Variants in CEP44 observed in about 807,000 individuals in gnomAD.
CEP44 encodes the protein centrosomal protein 44, also known as centrosomal protein of 44 kDa.
In CEP44, 45 loss-of-function variants were observed where a neutral mutation model predicts 46.7. The observed-to-expected ratio is 0.96, with a 90% CI of 0.76 to 1.24. The LOEUF (loss-of-function observed/expected upper bound fraction) is 1.24, where lower values mean the gene tolerates loss of function less well. Among genes scored for constraint, CEP44 ranks in the 50% most tolerant of loss-of-function variants. The pLI, the probability that CEP44 is intolerant of heterozygous loss-of-function variation, is 0.00. For missense variants in CEP44, 475 were observed against 459.7 expected (o/e 1.03, Z -0.30); for synonymous variants, 142 against 146.0 (o/e 0.97, Z 0.20).
rs1004891416 is a variant in CEP44, at chr4:174,314,378, T to C, written c.962-1788T>C. On this transcript the variant is annotated intron_variant, in intron 9 of 11. Transcript: ENST00000503780. The surrounding 1 kb of genome is among the most constrained non-coding windows in gnomAD (Gnocchi z 4.1). ...TTCAGGATAGCAATAAGAAAAAATA[T>C]AGAAATTAATGTGCAGTTAACTGAT... Among the ~76,000 whole-genome samples the C allele has an allele frequency of 2.6e-5, 4 of 152,172 alleles. No individual in the cohort carries two copies. The highest frequency in any genetic ancestry group is 9.7e-5 in the African/African-American group (4 of 41,430).
In CEP44 at chr4:174,288,529, G is replaced by A. The variant is rs1737809868; in HGVS notation, c.-148+4586G>A. On this transcript the variant is annotated intron_variant, in intron 1 of 11. Coordinates refer to ENST00000503780, the MANE Select transcript of CEP44 (RefSeq NM_001040157.3). The surrounding 1 kb of genome is among the most constrained non-coding windows in gnomAD (Gnocchi z 4.6). ...CATACATTGAGATAATACAGTATTT[G>A]TCTTTTTGTGTTTAGCTTATTTCAC... 6.6e-6 allele frequency among the ~76,000 whole-genome samples: 1 copy of A among 151,992 alleles called. No homozygotes were observed. Among genetic ancestry groups the A allele is most frequent in the Non-Finnish European group, 1.5e-5 (1 of 67,970 alleles).
At chr4:174,306,075 A>AAGCAAAT (rs1271160594) in intron 6 of CEP44, among the ~76,000 whole-genome samples, 1 of 152,112 alleles carries the variant, frequency 6.6e-6, no homozygotes, top group African/African-American at 2.4e-5. Flanking sequence ...GTCAATATTA[A>AAGCAAAT]AGCAAATTGT....
At chr4:174,299,756 C>A (rs1454176066) in intron 3 of CEP44, among the ~76,000 whole-genome samples, 1 of 152,112 alleles carries the variant, frequency 6.6e-6, no homozygotes. Flanking sequence ...ATTTAACAGA[C>A]CCCACTTTGA....
At position 174,331,347 on chromosome 4, in the gene CEP44, A is replaced by T. The variant is rs1731309983; in HGVS notation, c.1087-135A>T. 10 of 866,292 alleles carry T rather than the reference A, an allele frequency of 1.2e-5. No individual in the cohort carries two copies. The highest frequency in any genetic ancestry group is 1.6e-5 in the Non-Finnish European group (10 of 611,586). 53.7% of individuals were successfully genotyped at this position (866,292 alleles called of 1,614,324 possible). On this transcript the variant is annotated intron_variant, in intron 8 of 8. Coordinates refer to the CEP44 transcript ENST00000426172. The surrounding 1 kb of genome is among the most constrained non-coding windows in gnomAD (Gnocchi z 4.5). Reference sequence around the variant, plus strand: ...TTTGTTTGCTTGGTCTTCTTTAGGCATTATTTTCAGAGTACCTATTATGGA... The same window carrying T: ...TTTGTTTGCTTGGTCTTCTTTAGGCTTTATTTTCAGAGTACCTATTATGGA...
Position 174,331,463 on chromosome 4 carries a change from T to C in CEP44, c.1087-19T>C. 2 of 1,550,904 alleles carry C rather than the reference T, an allele frequency of 1.3e-6. No homozygotes were observed. Among genetic ancestry groups the C allele is most frequent in the Middle Eastern group, 3.3e-4 (2 of 5,990 alleles). On this transcript the variant is annotated intron_variant, in intron 8 of 8. Coordinates refer to the CEP44 transcript ENST00000426172. The surrounding 1 kb of genome is among the most constrained non-coding windows in gnomAD (Gnocchi z 4.5). ...ATTTAGATCATATTTTAATGTATAATTTTGTGTTTCCTTTCTAGAATTTTC... is the reference window on the plus strand; with the variant it reads ...ATTTAGATCATATTTTAATGTATAACTTTGTGTTTCCTTTCTAGAATTTTC...
intron 11 of CEP44, 22 bp from the exon 12 acceptor site, chr4:174,317,313 T>C (rs552606584): frequency 1.0e-6 from 1 of 973,150 alleles, no homozygotes; most frequent in African/African-American, 1.7e-5. Flanking sequence ...ATTTACTTAA[T>C]ATATTATTTA....
chr4:174,325,272 G>A (rs537932835), downstream of CEP44, among the ~76,000 whole-genome samples: 4 of 152,108 alleles, frequency 2.6e-5, no homozygotes, highest in Non-Finnish European at 5.9e-5. The surrounding 1 kb of genome is among the most constrained non-coding windows in gnomAD (Gnocchi z 4.4). Context: ...CCACTCTGTG[G>A]TTTCTCGTTC....
At chr4:174,316,052 G>T in intron 9 of CEP44, 114 bp from the exon 10 acceptor site, 5 of 1,285,846 alleles carry the variant, frequency 3.9e-6, no homozygotes, top group Non-Finnish European at 5.4e-6. Flanking sequence ...GATCTATGCG[G>T]ATAGCCATTT....
Position 174,297,496 on chromosome 4 carries a change from C to T in CEP44, c.-147-470C>T, listed in dbSNP as rs979061280. On this transcript the variant is annotated intron_variant, in intron 1 of 11. Transcript: ENST00000503780. The surrounding 1 kb of genome is among the most constrained non-coding windows in gnomAD (Gnocchi z 4.3). ...TGCAGGTTTATTGGGCAAGACCTGC[C>T]CTTTTCAATGGGGATTTTCCTCAAA... Among the ~76,000 whole-genome samples, 2 of 152,040 alleles carry T rather than the reference C, an allele frequency of 1.3e-5. No homozygotes were observed. The highest frequency in any genetic ancestry group is 2.9e-5 in the Non-Finnish European group (2 of 68,016).
rs1031988445 is a variant in CEP44, at chr4:174,329,187, G to C, written c.1087-2295G>C. Reference sequence around the variant, plus strand: ...GCTAGTCTCAGACTCCTGGCCTCAAGCAATCTTCCTACCTCATCCTCTGAA... The same window carrying C: ...GCTAGTCTCAGACTCCTGGCCTCAACCAATCTTCCTACCTCATCCTCTGAA... On this transcript the variant is annotated intron_variant, in intron 8 of 8. Transcript: ENST00000426172. The surrounding 1 kb of genome is among the most constrained non-coding windows in gnomAD (Gnocchi z 4.0). 2.0e-5 allele frequency among the ~76,000 whole-genome samples: 3 copies of C among 152,028 alleles called. No homozygotes were observed. The highest frequency in any genetic ancestry group is 7.2e-5 in the African/African-American group (3 of 41,400).
intron 6 of CEP44, among the ~76,000 whole-genome samples, chr4:174,307,156 C>T (rs1740505590): frequency 6.6e-6 from 1 of 152,128 alleles, no homozygotes; most frequent in Admixed American, 6.5e-5. Flanking sequence ...ATAGCCAAGG[C>T]AATCCTAAGG....
chr4:174,304,304 A>G lies in CEP44; in HGVS notation c.442A>G (p.Asn148Asp). 6.2e-7 allele frequency: 1 copy of G among 1,611,816 alleles called. No homozygotes were observed. The highest frequency in any genetic ancestry group is 8.5e-7 in the Non-Finnish European group (1 of 1,179,400). Residue 148 changes from asparagine (N) to aspartate (D), a missense_variant, in exon 6 of 12, where the codon AAT becomes GAT. Asn to Asp is a conservative substitution (Grantham distance 23, BLOSUM62 1). Coordinates refer to ENST00000503780, the MANE Select transcript of CEP44 (RefSeq NM_001040157.3). ...TGGTAAGTCAGAACCTCCTTTGGGC[A>G]ATGAGAAAATATCTGCAGAGGCTGT... ...SSGKSEPPLGNEKISAEAVGV... is the reference protein window; with the variant it reads ...SSGKSEPPLGDEKISAEAVGV...
At chr4:174,316,471 A>T in intron 10 of CEP44, 59 bp from the exon 11 acceptor site, 4 of 1,469,742 alleles carry the variant, frequency 2.7e-6, no homozygotes, top group Non-Finnish European at 3.8e-6. Flanking sequence ...TTCTCGGTCC[A>T]TCTTTGATGA....
chr4:174,295,086 C>T (rs1409184923), intron 1 of CEP44, among the ~76,000 whole-genome samples: 24 of 151,554 alleles, frequency 1.6e-4, no homozygotes, highest in Non-Finnish European at 3.4e-4. Context: ...GGGCTGATCC[C>T]CCCACCTCCC....
downstream of CEP44, among the ~76,000 whole-genome samples, chr4:174,321,558 G>C (rs945818521): frequency 2.6e-5 from 4 of 152,034 alleles, no homozygotes; most frequent in African/African-American, 9.7e-5. Flanking sequence ...TGAAATATCT[G>C]TGTTTATGTT....
downstream of CEP44, among the ~76,000 whole-genome samples, chr4:174,325,267 C>T (rs1742588456): frequency 6.6e-6 from 1 of 152,134 alleles, no homozygotes; most frequent in Non-Finnish European, 1.5e-5. This position sits in a 1 kb window ranked among gnomAD's most constrained non-coding sequence, Gnocchi z 4.4. Context: ...TTCCCCCACT[C>T]TGTGGTTTCT....
rs1739194653 is a variant in CEP44, at chr4:174,297,614, A to G, written c.-147-352A>G. On this transcript the variant is annotated intron_variant, in intron 1 of 11. Coordinates refer to ENST00000503780, the MANE Select transcript of CEP44 (RefSeq NM_001040157.3). This position sits in a 1 kb window ranked among gnomAD's most constrained non-coding sequence, Gnocchi z 4.3. ...CTGTCACAGAGGATGTAAGTCTAAC[A>G]GCTTCTTGAGGCTGAGATATAGGAA... is the stretch of plus-strand genomic sequence containing the variant. 6.6e-6 allele frequency among the ~76,000 whole-genome samples: 1 copy of G among 151,956 alleles called. No individual in the cohort carries two copies. Among genetic ancestry groups the G allele is most frequent in the Non-Finnish European group, 1.5e-5 (1 of 68,000 alleles).
At chr4:174,291,782 CTTTTCTTTTTT>C (rs1738235204) in intron 1 of CEP44, among the ~76,000 whole-genome samples, 1 of 81,636 alleles carries the variant, frequency 1.2e-5, no homozygotes, top group Non-Finnish European at 2.6e-5. Flanking sequence ...TTATCTTTTT[CTTTTCTTTTTT>C]TTTTTTTTTT....
chr4:174,286,273 G>A lies in CEP44; in HGVS notation c.-148+2330G>A, dbSNP rs1384975409. ...ACTAAATTTAGGATTTTGTAAATCG[G>A]TGACCTTCTTACCTTTCCTTATTTA... On this transcript the variant is annotated intron_variant, in intron 1 of 11. Coordinates refer to ENST00000503780, the MANE Select transcript of CEP44 (RefSeq NM_001040157.3). This position sits in a 1 kb window ranked among gnomAD's most constrained non-coding sequence, Gnocchi z 5.2. Among the ~76,000 whole-genome samples, 1 of 152,130 alleles carries A rather than the reference G, an allele frequency of 6.6e-6. No homozygotes were observed. Among genetic ancestry groups the A allele is most frequent in the Non-Finnish European group, 1.5e-5 (1 of 68,014 alleles).
Sources: allele counts gnomAD v4.1 joint callset (sites outside exome capture counted in the v4.1 genomes callset), GRCh38; gene constraint gnomAD v4.1.1; non-coding constraint Gnocchi (gnomAD v3.1); transcripts MANE v1.5; gene names NCBI Gene and HGNC (gene_info 2026-07-23, HGNC 2026-07-21).